The following ZNF541 variants were observed in gnomAD, a reference collection of about 807,000 sequenced individuals.
ZNF541 encodes zinc finger protein 541.
ZNF541 carries 23 observed loss-of-function variants against 123.5 expected under a neutral mutation model. The observed-to-expected ratio is 0.19, with a 90% CI of 0.13 to 0.26. The LOEUF (loss-of-function observed/expected upper bound fraction) is 0.26, where lower values mean the gene tolerates loss of function less well. Among genes scored for constraint, ZNF541 ranks in the 10% least tolerant of loss-of-function variants. The pLI, the probability that ZNF541 is intolerant of heterozygous loss-of-function variation, is 1.00. For synonymous variants in ZNF541, 751 were observed against 754.5 expected (o/e 1.00, Z 0.08); for missense variants, 1,612 against 1,789.9 (o/e 0.90, Z 1.79).
chr19:47,522,135 G>T (rs1209453339), intron 14 of ZNF541, 141 bp from the exon 15 acceptor site: 2 of 1,122,188 alleles, frequency 1.8e-6, no homozygotes, highest in Admixed American at 2.7e-5. Context: ...TCACCACAAA[G>T]GCACAGGACC....
At chr19:47,555,984 AT>A in intron 2 of ZNF541, 30 bp from the exon 3 acceptor site, 1 of 997,502 alleles carries the variant, frequency 1.0e-6, no homozygotes, top group Non-Finnish European at 1.4e-6. Flanking sequence ...AATGAAAGTT[AT>A]TAGGTGGCAA....
chr19:47,544,535 A>G lies in ZNF541; in HGVS notation c.1994T>C (p.Leu665Pro), dbSNP rs774886794. ...GATGTCTGGATTCCTGGAAGGGTCC[A>G]GAGACGGTGCTGCAAGGGGCGTTGG... ...AVPTPLAAPSLDPSRNPDISS... is the reference protein window; with the variant it reads ...AVPTPLAAPSPDPSRNPDISS... The change falls in exon 5 of 17, where the codon CTG (leucine) becomes CCG (proline). Residue 665 changes from leucine to proline, a missense_variant. Physicochemically the swap from Leu to Pro is moderately conservative, Grantham distance 98 (BLOSUM62 -3). Around this residue, in one of 5 missense-constraint regions of ZNF541, gnomAD observed 1,080 missense variants for 1,013.8 expected, o/e 1.07. Transcript: ENST00000391901. 6.4e-7 allele frequency: 1 copy of G among 1,551,582 alleles called. No individual in the cohort carries two copies.
chr19:47,538,826 C>A (rs890066069), intron 8 of ZNF541, among the ~76,000 whole-genome samples: 1 of 152,200 alleles, frequency 6.6e-6, no homozygotes, highest in Non-Finnish European at 1.5e-5. Context: ...TTCAGGTCCA[C>A]GGACTGTGTC....
rs1282835746 is a variant in ZNF541 at position 47,540,210 on chromosome 19, T to G, written c.2588A>C (p.Gln863Pro). 6.4e-7 allele frequency: 1 copy of G among 1,551,494 alleles called. No individual in the cohort carries two copies. The highest frequency in any genetic ancestry group is 1.4e-5 in the African/African-American group (1 of 73,046). ...CTGCTTCCCTCGAGGTGACGGCCAC[T>G]GGTCGCTGTGAAAACACATGTGGCT... ...LSSHMCFHSDQWPSPRGKQEP... is the reference protein window; with the variant it reads ...LSSHMCFHSDPWPSPRGKQEP... The change falls in exon 7 of 17, where the codon CAG becomes CCG. Residue 863 changes from glutamine (Q) to proline (P), a missense_variant. Gln to Pro is a moderately conservative substitution (Grantham distance 76, BLOSUM62 -1). Coordinates refer to ENST00000391901, the MANE Select transcript of ZNF541 (RefSeq NM_001277075.3).
chr19:47,559,572 T>C (rs140042944), intron 2 of ZNF541, among the ~76,000 whole-genome samples: 104 of 151,236 alleles, frequency 6.9e-4, no homozygotes, highest in African/African-American at 2.3e-3. Flanking sequence ...ACTTTGATGT[T>C]TGATTACAGG....
At chr19:47,527,050 T>C (rs548900716) in intron 14 of ZNF541, among the ~76,000 whole-genome samples, 1 of 152,322 alleles carries the variant, frequency 6.6e-6, no homozygotes, top group African/African-American at 2.4e-5. Flanking sequence ...AAAATCATGA[T>C]GCTGAGTGTG....
chr19:47,546,192 C>G (rs1970348218), intron 4 of ZNF541, among the ~76,000 whole-genome samples: 1 of 145,752 alleles, frequency 6.9e-6, no homozygotes, highest in Non-Finnish European at 1.5e-5. Flanking sequence ...TTAAGCAAAC[C>G]CCTTACAGAA....
chr19:47,544,550 A>G lies in ZNF541; in HGVS notation c.1979T>C (p.Leu660Pro). Residue 660 changes from leucine (L) to proline (P), a missense_variant, in exon 5 of 17, where the codon CTT becomes CCT. Physicochemically the swap from Leu to Pro is moderately conservative, Grantham distance 98. Coordinates refer to ENST00000391901, the MANE Select transcript of ZNF541 (RefSeq NM_001277075.3). ...GLKVAAVPTP[L>P]AAPSLDPSRN... is the part of the protein sequence containing the mutation. ...GGAAGGGTCCAGAGACGGTGCTGCA[A>G]GGGGCGTTGGAACCGCGGCCACTTT... The G allele has an allele frequency of 6.4e-7, 1 of 1,551,604 alleles. No individual in the cohort carries two copies. Among genetic ancestry groups the G allele is most frequent in the South Asian group, 1.2e-5 (1 of 84,068 alleles).
Position 47,555,935 on chromosome 19 carries a change from C to T in ZNF541, c.-79G>A, listed in dbSNP as rs1970805100. The T allele has an allele frequency of 4.5e-6, 6 of 1,344,514 alleles. No homozygotes were observed. The allele number at this position is 1,344,514 out of a possible 1,614,324, so 83.3% of individuals were successfully genotyped here. On this transcript the variant is annotated 5_prime_UTR_variant, in exon 3 of 17. Coordinates refer to ENST00000391901, the MANE Select transcript of ZNF541 (RefSeq NM_001277075.3). ...ATGTAAGGAGACAGGGAGGAGAGAG[C>T]CCTTGATGGCAACTAATTCCTGAAA...
intron 2 of ZNF541, among the ~76,000 whole-genome samples, chr19:47,565,631 T>C (rs896293441): frequency 1.3e-5 from 2 of 152,088 alleles, no homozygotes; most frequent in African/African-American, 4.8e-5. Context: ...GGGCCCAGAG[T>C]GGCAGTCGGC....
chr19:47,557,875 G>T (rs1199021797), intron 2 of ZNF541, among the ~76,000 whole-genome samples: 1 of 151,448 alleles, frequency 6.6e-6, no homozygotes, highest in Non-Finnish European at 1.5e-5. Context: ...AGAGATGATG[G>T]TAACTTCATA....
At position 47,544,414 on chromosome 19, in the gene ZNF541, C is replaced by G; in HGVS notation, c.2115G>C (p.Gly705=). ...GCAGCGAGGCTCCTGGTGGCTCCTC[C>G]CCACCTAACTGGGTCTGCCGTTGGC... is the stretch of plus-strand genomic sequence containing the variant. ...STGQRQTQLG[G]EEPPGASLPG... is the part of the protein sequence containing the mutation. Residue 705 remains glycine (G), a synonymous_variant, in exon 5 of 17, where the codon GGG becomes GGC. Transcript: ENST00000391901. 1.9e-6 allele frequency: 3 copies of G among 1,551,582 alleles called. 1 individual carries two copies. Among genetic ancestry groups the G allele is most frequent in the Non-Finnish European group, 8.7e-7 (1 of 1,146,998 alleles).
chr19:47,549,414 T>C lies in ZNF541; in HGVS notation c.379A>G (p.Lys127Glu). ...GGGGAACTGTGCTGCCGCTTTCCTT[T>C]CCTGGCACTCCCCGAGGTGGCCCTT... is the stretch of plus-strand genomic sequence containing the variant. ...GGRATSGSAR[K>E]GKRQHSSPQN... Residue 127 changes from lysine (K) to glutamate (E), a missense_variant, in exon 4 of 17, where the codon AAA becomes GAA. Around this residue, in one of 5 missense-constraint regions of ZNF541, gnomAD observed 212 missense variants for 289.6 expected, o/e 0.73. Coordinates refer to ENST00000391901, the MANE Select transcript of ZNF541 (RefSeq NM_001277075.3). The C allele has an allele frequency of 1.3e-6, 2 of 1,551,738 alleles. No homozygotes were observed. Among genetic ancestry groups the C allele is most frequent in the Non-Finnish European group, 1.7e-6 (2 of 1,147,016 alleles).
At chr19:47,546,128 C>T (rs1970346311) in intron 4 of ZNF541, 148 bp from the exon 5 acceptor site, 2 of 604,378 alleles carry the variant, frequency 3.3e-6, no homozygotes, top group Non-Finnish European at 5.1e-6. Context: ...GACCACCCAG[C>T]AAACCCTGCT....
At position 47,532,891 on chromosome 19, in the gene ZNF541, G is replaced by A. The variant is rs1969639445; in HGVS notation, c.3158+18C>T. On this transcript the variant is annotated intron_variant, in intron 10 of 16. Coordinates refer to ENST00000391901, the MANE Select transcript of ZNF541 (RefSeq NM_001277075.3). ...AAGGTGGGGTAAAAGCAGCTTCACT[G>A]GAAAGGACCCAACTTACGGCTCAAT... The A allele has an allele frequency of 1.9e-6, 3 of 1,548,750 alleles. No homozygotes were observed. Among genetic ancestry groups the A allele is most frequent in the Non-Finnish European group, 2.6e-6 (3 of 1,145,480 alleles).
At chr19:47,549,868 A>G (rs1386513299) in intron 3 of ZNF541, among the ~76,000 whole-genome samples, 1 of 152,222 alleles carries the variant, frequency 6.6e-6, no homozygotes, top group Non-Finnish European at 1.5e-5. Flanking sequence ...TGGGGTTTTC[A>G]CATAAGGAAA....
chr19:47,570,809 G>A (rs193243033), intron 2 of ZNF541, among the ~76,000 whole-genome samples: 110 of 151,566 alleles, frequency 7.3e-4, no homozygotes, highest in African/African-American at 2.3e-3. Context: ...TTAGCTGGGC[G>A]TGGTGGTGCA....
chr19:47,558,198 T>G (rs376776174), intron 2 of ZNF541, among the ~76,000 whole-genome samples: 1 of 152,084 alleles, frequency 6.6e-6, no homozygotes, highest in South Asian at 2.1e-4. Flanking sequence ...GGGCGGATCA[T>G]GAGGTCAGGA....
At position 47,521,218 on chromosome 19, in the gene ZNF541, C is replaced by CGGGA. The variant is rs1423731765; in HGVS notation, c.*2_*5dup. On this transcript the variant is annotated 3_prime_UTR_variant, in exon 17 of 17. Transcript: ENST00000391901. The surrounding 1 kb of genome is among the most constrained non-coding windows in gnomAD (Gnocchi z 4.2). The stretch of plus-strand genomic sequence containing the variant: ...GAGGCCCCATTCGGACTTGCTGCCA[C>CGGGA]GGGAGTCACCACTGCAGGGGGCCGA... 6.4e-7 allele frequency: 1 copy of CGGGA among 1,550,508 alleles called. No homozygotes were observed. The highest frequency in any genetic ancestry group is 1.4e-5 in the African/African-American group (1 of 73,156).
Sources: gnomAD v4.1 joint callset for allele counts (sites outside exome capture counted in the v4.1 genomes callset) on GRCh38, gnomAD v4.1.1 for gene constraint, gnomAD v4.1.1 regional missense constraint, Gnocchi (gnomAD v3.1) non-coding constraint, MANE v1.5 for transcripts, NCBI Gene and HGNC (gene_info 2026-07-23, HGNC 2026-07-21) for gene names.